PRKCB: variants seen among roughly 807,000 people sequenced by gnomAD.
PRKCB encodes protein kinase C beta.
PRKCB carries 13 observed loss-of-function variants against 81.5 expected under a neutral mutation model. The ratio of observed to expected loss-of-function variants is 0.16; its 90% CI spans 0.10 to 0.25. PRKCB has a LOEUF of 0.25. PRKCB is among the 10% of genes least tolerant of loss of function. The pLI is 1.00. For missense variants in PRKCB, 509 were observed against 875.7 expected, an observed-to-expected ratio of 0.58 and a Z score of 5.29; for synonymous variants, 335 against 321.4, an observed-to-expected ratio of 1.04 and a Z score of -0.45.
rs371532424 is a variant in PRKCB, at chr16:24,184,790, T to C, written c.1534-321T>C. Among the ~76,000 whole-genome samples, 178 of 152,148 alleles carry C rather than the reference T, an allele frequency of 1.2e-3. 1 individual carries two copies. The highest frequency in any genetic ancestry group is 7.0e-3 in the South Asian group (34 of 4,826). On this transcript the variant is annotated intron_variant, in intron 13 of 16. Transcript: ENST00000643927. Reference sequence around the variant, plus strand: ...AAGTATACAATTTAGTAGTGTTAAGTATATTTACATTATTGTGTAAATGTT... The same window carrying C: ...AAGTATACAATTTAGTAGTGTTAAGCATATTTACATTATTGTGTAAATGTT...
intron 2 of PRKCB, among the ~76,000 whole-genome samples, chr16:23,964,174 G>A (rs1452575107): frequency 6.6e-6 from 1 of 152,218 alleles, no homozygotes; most frequent in Non-Finnish European, 1.5e-5. Context: ...CATTTCAAGT[G>A]CTCAGTATGT....
intron 2 of PRKCB, among the ~76,000 whole-genome samples, chr16:23,972,526 C>A (rs1269268242): frequency 6.6e-6 from 1 of 152,044 alleles, no homozygotes; most frequent in Non-Finnish European, 1.5e-5. Context: ...TAATTTTTTC[C>A]TGTACTTAGG....
intron 2 of PRKCB, chr16:23,962,816 T>C (rs1283033783): frequency 6.6e-6 from 1 of 152,094 alleles, no homozygotes. Context: ...AGTTCTTTCA[T>C]GGTGATTTCT....
intron 9 of PRKCB, among the ~76,000 whole-genome samples, chr16:24,125,472 G>A (rs188231667): frequency 4.3e-4 from 66 of 152,274 alleles, no homozygotes; most frequent in Middle Eastern, 6.8e-3. Context: ...TTGCAAGGCC[G>A]GCTGCTTCCT....
At chr16:24,087,692 C>G (rs968709544) in intron 5 of PRKCB, among the ~76,000 whole-genome samples, 14 of 152,128 alleles carry the variant, frequency 9.2e-5, no homozygotes, top group South Asian at 4.1e-4. Context: ...AGTTTTCTGA[C>G]AGATAATTGT....
intron 4 of PRKCB, 53 bp downstream of exon 4, chr16:24,032,300 G>A (rs1965560062): frequency 8.2e-6 from 11 of 1,342,468 alleles, no homozygotes; most frequent in Admixed American, 1.8e-5. Context: ...GCAATGGGAA[G>A]GGCTGCTTCC....
intron 2 of PRKCB, among the ~76,000 whole-genome samples, chr16:23,870,505 G>T (rs1314806356): frequency 1.3e-5 from 2 of 152,228 alleles, no homozygotes; most frequent in Non-Finnish European, 1.5e-5. Context: ...GGGGCTTCAA[G>T]TCAGGTCTGT....
chr16:24,019,566 C>T (rs1965331595), intron 3 of PRKCB, among the ~76,000 whole-genome samples: 1 of 152,082 alleles, frequency 6.6e-6, no homozygotes, highest in African/African-American at 2.4e-5. Context: ...GCTCAGGCGA[C>T]CAGCCTGACT....
At chr16:24,145,522 C>T (rs2141946981) in intron 9 of PRKCB, among the ~76,000 whole-genome samples, 1 of 152,318 alleles carries the variant, frequency 6.6e-6, no homozygotes, top group South Asian at 2.1e-4. Flanking sequence ...ATCAAGGTGG[C>T]TCAGATCAGC....
At chr16:24,023,462 A>G (rs1021386) in intron 3 of PRKCB, among the ~76,000 whole-genome samples, 87,960 of 151,972 alleles carry the variant, frequency 0.58, 25,890 homozygotes, top group South Asian at 0.78. Flanking sequence ...TCTGCCTCCC[A>G]GGTTCACACC....
Position 23,985,150 on chromosome 16 carries a change from G to A in PRKCB, c.206-3358G>A, listed in dbSNP as rs113665011. ...TCTGTTGCCCAGGCTGGAGTGCAGT[G>A]GCATGATATTGGCTCACTTCAACCT... On this transcript the variant is annotated intron_variant, in intron 2 of 16. Coordinates refer to ENST00000643927, the MANE Select transcript of PRKCB (RefSeq NM_002738.7). 5.7e-3 allele frequency among the ~76,000 whole-genome samples: 871 copies of A among 152,212 alleles called. 3 individuals are homozygous for A. Among genetic ancestry groups the A allele is most frequent in the African/African-American group, 9.8e-3 (406 of 41,524 alleles).
intron 2 of PRKCB, among the ~76,000 whole-genome samples, chr16:23,857,759 G>A (rs1962595310): frequency 6.6e-6 from 1 of 152,098 alleles, no homozygotes. Flanking sequence ...TGCGTCTGCA[G>A]TCCCTAGAAG....
chr16:23,976,905 G>A (rs1176784240), intron 2 of PRKCB, among the ~76,000 whole-genome samples: 1 of 152,136 alleles, frequency 6.6e-6, no homozygotes, highest in East Asian at 1.9e-4. Flanking sequence ...TTCTTCTGGT[G>A]GATTTATTTA....
At chr16:24,183,254 C>G (rs1361385503) in intron 13 of PRKCB, among the ~76,000 whole-genome samples, 2 of 152,116 alleles carry the variant, frequency 1.3e-5, no homozygotes, top group Admixed American at 1.3e-4. Context: ...TCATGTGCAA[C>G]ATGTTGTTCT....
intron 3 of PRKCB, among the ~76,000 whole-genome samples, chr16:23,989,208 G>T (rs185793487): frequency 4.6e-5 from 7 of 152,048 alleles, no homozygotes; most frequent in Admixed American, 4.6e-4. Flanking sequence ...CTCGTGATCC[G>T]CCGCCTCGGC....
At chr16:23,871,640 C>A (rs935476706) in intron 2 of PRKCB, among the ~76,000 whole-genome samples, 2 of 152,080 alleles carry the variant, frequency 1.3e-5, no homozygotes, top group African/African-American at 4.8e-5. Context: ...TGCAGGGGCA[C>A]AATCTCGGCT....
intron 2 of PRKCB, among the ~76,000 whole-genome samples, chr16:23,954,819 A>C (rs1964328154): frequency 6.6e-6 from 1 of 152,162 alleles, no homozygotes; most frequent in Admixed American, 6.5e-5. Context: ...TGGAAGGCCG[A>C]AGTGGGTGGA....
chr16:23,983,797 C>T (rs1027361535), intron 2 of PRKCB, among the ~76,000 whole-genome samples: 2 of 152,064 alleles, frequency 1.3e-5, no homozygotes, highest in Admixed American at 1.3e-4. Flanking sequence ...CTCACTGCAG[C>T]CTCTGCCTCC....
chr16:24,062,588 G>A (rs1056504850), intron 5 of PRKCB, among the ~76,000 whole-genome samples: 4 of 152,198 alleles, frequency 2.6e-5, no homozygotes, highest in African/African-American at 4.8e-5. Context: ...AATAAACTGA[G>A]AACCAGAGAG....
Sources: allele counts gnomAD v4.1 joint callset (sites outside exome capture counted in the v4.1 genomes callset), GRCh38; gene constraint gnomAD v4.1.1; transcripts MANE v1.5; gene names NCBI Gene and HGNC (gene_info 2026-07-23, HGNC 2026-07-21).